The following BBS9 variants were observed in gnomAD, a reference collection of about 807,000 sequenced individuals.
BBS9 encodes Bardet-Biedl syndrome 9.
Under a neutral mutation model 117.7 loss-of-function variants are expected in BBS9, and 89 were observed. That is an observed-to-expected ratio of 0.76 (90% confidence interval 0.64 to 0.90). The LOEUF (loss-of-function observed/expected upper bound fraction) is 0.90. Among genes scored for constraint, BBS9 ranks in the 40% least tolerant of loss-of-function variants. BBS9 has a pLI of 0.00. For missense variants in BBS9, 982 were observed against 1,042.2 expected (o/e 0.94, Z 0.80); for synonymous variants, 379 against 370.9 (o/e 1.02, Z -0.25).
At chr7:33,407,283 A>C (rs1298147576) in intron 19 of BBS9, among the ~76,000 whole-genome samples, 1 of 152,172 alleles carries the variant, frequency 6.6e-6, no homozygotes, top group East Asian at 1.9e-4. Context: ...TTTCAGCTCC[A>C]TCAGCTCCTT....
intron 21 of BBS9, among the ~76,000 whole-genome samples, chr7:33,593,419 T>G (rs561020630): frequency 2.0e-4 from 30 of 152,254 alleles, no homozygotes; most frequent in Admixed American, 9.2e-4. Flanking sequence ...TTTTGTTTTG[T>G]TTTGGTTTTT....
intron 19 of BBS9, among the ~76,000 whole-genome samples, chr7:33,406,765 C>T (rs1335343099): frequency 6.6e-6 from 1 of 152,120 alleles, no homozygotes; most frequent in Non-Finnish European, 1.5e-5. Context: ...TATTGGCCCC[C>T]ACTCTCTTCT....
At chr7:33,180,581 T>A (rs1216043346) in intron 5 of BBS9, among the ~76,000 whole-genome samples, 1 of 152,138 alleles carries the variant, frequency 6.6e-6, no homozygotes, top group Non-Finnish European at 1.5e-5. Context: ...GGTCTCTATC[T>A]CCTGACCTCG....
At chr7:33,142,311 C>T (rs1287100693) in intron 1 of BBS9, among the ~76,000 whole-genome samples, 3 of 152,124 alleles carry the variant, frequency 2.0e-5, no homozygotes, top group African/African-American at 4.8e-5. Flanking sequence ...AAGTTTAAAA[C>T]ATCATAAAAG....
chr7:33,588,983 A>G (rs1861424678), intron 21 of BBS9, among the ~76,000 whole-genome samples: 1 of 152,130 alleles, frequency 6.6e-6, no homozygotes, highest in Non-Finnish European at 1.5e-5. Flanking sequence ...AAATGGGGAA[A>G]GCCATTTTGA....
intron 21 of BBS9, among the ~76,000 whole-genome samples, chr7:33,618,609 C>G (rs908492783): frequency 6.6e-6 from 1 of 152,074 alleles, no homozygotes; most frequent in Non-Finnish European, 1.5e-5. Context: ...AATCCCAACA[C>G]TTTGGAAGCC....
At chr7:33,284,579 G>A (rs562582010) in intron 9 of BBS9, among the ~76,000 whole-genome samples, 130 of 152,260 alleles carry the variant, frequency 8.5e-4, no homozygotes, top group Non-Finnish European at 1.1e-3. Flanking sequence ...TTGTTTTGCT[G>A]CTGAAGAAAG....
intron 21 of BBS9, among the ~76,000 whole-genome samples, chr7:33,590,624 A>C (rs1435740215): frequency 6.6e-6 from 1 of 151,516 alleles, no homozygotes; most frequent in Non-Finnish European, 1.5e-5. Flanking sequence ...TGAGAATCTC[A>C]GGCTTAGACT....
At chr7:33,626,504 C>T (rs1040579395) in intron 21 of BBS9, among the ~76,000 whole-genome samples, 2 of 152,156 alleles carry the variant, frequency 1.3e-5, no homozygotes, top group Admixed American at 1.3e-4. Flanking sequence ...AAAAAGGTAA[C>T]AGAAAGTTTG....
At chr7:33,342,134 G>A (rs1488241665) in intron 11 of BBS9, among the ~76,000 whole-genome samples, 2 of 152,022 alleles carry the variant, frequency 1.3e-5, no homozygotes, top group Non-Finnish European at 2.9e-5. Context: ...ATTAATTTTA[G>A]TATAAACAGC....
intron 21 of BBS9, among the ~76,000 whole-genome samples, chr7:33,574,707 A>ACG (rs1344005890): frequency 2.7e-5 from 4 of 146,678 alleles, no homozygotes; most frequent in Non-Finnish European, 4.5e-5. Flanking sequence ...ACACACACAC[A>ACG]CACACACACA....
At chr7:33,463,421 A>G (rs965301050) in intron 19 of BBS9, among the ~76,000 whole-genome samples, 6 of 152,082 alleles carry the variant, frequency 3.9e-5, no homozygotes, top group Non-Finnish European at 8.8e-5. Flanking sequence ...GAAAGAAAAA[A>G]AAAATAGTTG....
intron 20 of BBS9, among the ~76,000 whole-genome samples, chr7:33,532,068 G>A (rs187634206): frequency 6.3e-4 from 96 of 152,306 alleles, no homozygotes; most frequent in African/African-American, 2.2e-3. Context: ...CAGCACCCAC[G>A]TCACAGGGTG....
intron 5 of BBS9, among the ~76,000 whole-genome samples, chr7:33,254,573 C>G (rs915997503): frequency 6.6e-6 from 1 of 152,080 alleles, no homozygotes; most frequent in Non-Finnish European, 1.5e-5. Flanking sequence ...CATTATTATT[C>G]ACTGTAATCA....
At chr7:33,446,016 T>C (rs1057135913) in intron 19 of BBS9, among the ~76,000 whole-genome samples, 4 of 152,198 alleles carry the variant, frequency 2.6e-5, no homozygotes, top group Non-Finnish European at 2.9e-5. Context: ...AATACAGATA[T>C]TAATAGATTT....
At chr7:33,383,390 G>A (rs1055074144) in intron 17 of BBS9, among the ~76,000 whole-genome samples, 1 of 152,066 alleles carries the variant, frequency 6.6e-6, no homozygotes, top group African/African-American at 2.4e-5. Flanking sequence ...TGTTTTTATT[G>A]TACTGAAGCC....
intron 21 of BBS9, among the ~76,000 whole-genome samples, chr7:33,556,987 C>A (rs530392840): frequency 6.6e-6 from 1 of 152,130 alleles, no homozygotes; most frequent in Non-Finnish European, 1.5e-5. Context: ...CTTTATCTGG[C>A]TCATCAGTTA....
chr7:33,344,647 A>AT lies in BBS9; in HGVS notation c.1329+17dup. ...TGTCACGGTGAAGGTATTGTACCAG[A>AT]TTTTAGACTGTAATGTGCAAACAAT... On this transcript the variant is annotated intron_variant, in intron 12 of 22. Transcript: ENST00000242067. 1 of 1,612,332 alleles carries AT rather than the reference A, an allele frequency of 6.2e-7. No individual in the cohort carries two copies. The highest frequency in any genetic ancestry group is 8.5e-7 in the Non-Finnish European group (1 of 1,178,422).
At chr7:33,409,304 T>C (rs1830671575) in intron 19 of BBS9, among the ~76,000 whole-genome samples, 1 of 152,222 alleles carries the variant, frequency 6.6e-6, no homozygotes, top group African/African-American at 2.4e-5. Context: ...ACATTTTAAG[T>C]CTTTGATCCA....
Sources: allele counts gnomAD v4.1 joint callset (sites outside exome capture counted in the v4.1 genomes callset), GRCh38; gene constraint gnomAD v4.1.1; transcripts MANE v1.5; gene names NCBI Gene and HGNC (gene_info 2026-07-23, HGNC 2026-07-21).